PCBP2: variants seen among roughly 807,000 people sequenced by gnomAD.
PCBP2 encodes poly(rC) binding protein 2.
PCBP2 carries 4 observed loss-of-function variants against 50.1 expected under a neutral mutation model. That is an observed-to-expected ratio of 0.08 (90% confidence interval 0.04 to 0.18). The LOEUF is 0.18. Among genes scored for constraint, PCBP2 ranks in the 10% least tolerant of loss-of-function variants. The pLI, the probability that PCBP2 is intolerant of heterozygous loss-of-function variation, is 1.00. For missense variants in PCBP2, 161 were observed against 474.3 expected (o/e 0.34, Z 6.14); for synonymous variants, 179 against 168.0 (o/e 1.07, Z -0.51).
At chr12:53,471,924 G>GTT (rs377649740) in intron 14 of PCBP2, 117 bp downstream of exon 14, 2,194 of 433,202 alleles carry the variant, frequency 5.1e-3, no homozygotes, top group South Asian at 9.2e-3. Context: ...TGGCCAAAAG[G>GTT]TTTTTTTTTT....
chr12:53,459,316 C>A lies in PCBP2; in HGVS notation c.288C>A (p.Pro96=). The A allele has an allele frequency of 6.2e-7, 1 of 1,613,196 alleles. No homozygotes were observed. Among genetic ancestry groups the A allele is most frequent in the Non-Finnish European group, 8.5e-7 (1 of 1,179,412 alleles). ...CCAATAGCACAGCTGCCAGTAGACC[C>A]CCGGTCACCCTGAGGCTGGTGGTCC... ...SMTNSTAASR[P]PVTLRLVVPA... The change falls in exon 6 of 15, where the codon CCC becomes CCA. Residue 96 remains proline, a synonymous_variant. Transcript: ENST00000546463.
chr12:53,476,021 G>A (rs1942556945), intron 14 of PCBP2: 1 of 152,338 alleles, frequency 6.6e-6, no homozygotes, highest in South Asian at 2.1e-4. Flanking sequence ...GAGGGGCAAA[G>A]TGGGATAAGT....
Position 53,480,036 on chromosome 12 carries a change from A to G in PCBP2, c.*594A>G, listed in dbSNP as rs970936836. 2 of 152,038 alleles carry G rather than the reference A, an allele frequency of 1.3e-5. No homozygotes were observed. Among genetic ancestry groups the G allele is most frequent in the African/African-American group, 4.8e-5 (2 of 41,348 alleles). 9.4% of individuals were successfully genotyped at this position (152,038 alleles called of 1,614,324 possible). On this transcript the variant is annotated 3_prime_UTR_variant, in exon 15 of 15. Coordinates refer to ENST00000546463, the MANE Select transcript of PCBP2 (RefSeq NM_031989.5). Reference sequence around the variant, plus strand: ...GTTGGCCCTTATAAAACTTGTGCCCAAAAGATTGAGGATTAGACTTTCCGA... The same window carrying G: ...GTTGGCCCTTATAAAACTTGTGCCCGAAAGATTGAGGATTAGACTTTCCGA...
chr12:53,459,483 C>T (rs577645551), intron 6 of PCBP2, 80 bp downstream of exon 6: 1 of 1,296,722 alleles, frequency 7.7e-7, no homozygotes, highest in East Asian at 2.5e-5. Flanking sequence ...GAAAAGTTAG[C>T]AATGAGATGA....
chr12:53,468,703 GTTAGT>G, intron 12 of PCBP2, 69 bp from the exon 13 acceptor site: 1 of 1,102,208 alleles, frequency 9.1e-7, no homozygotes, highest in Non-Finnish European at 1.4e-6. Flanking sequence ...ATTTCCTTCT[GTTAGT>G]TTAATGTGCA....
chr12:53,469,258 A>G (rs1942033654), intron 13 of PCBP2, among the ~76,000 whole-genome samples: 1 of 152,034 alleles, frequency 6.6e-6, no homozygotes, highest in Non-Finnish European at 1.5e-5. Flanking sequence ...TTATTATTTT[A>G]TCTTTATTTT....
intron 14 of PCBP2, among the ~76,000 whole-genome samples, chr12:53,476,598 C>A (rs1942599833): frequency 6.6e-6 from 1 of 151,784 alleles, no homozygotes; most frequent in Non-Finnish European, 1.5e-5. Context: ...TTAGAGAACT[C>A]AGTGTAGAGA....
chr12:53,455,223 G>C, intron 2 of PCBP2, 124 bp from the exon 3 acceptor site: 1 of 908,454 alleles, frequency 1.1e-6, no homozygotes, highest in African/African-American at 1.7e-5. Context: ...TGGCTAGACA[G>C]TTAAAATTCC....
intron 13 of PCBP2, among the ~76,000 whole-genome samples, chr12:53,470,211 C>G (rs1293720981): frequency 6.6e-6 from 1 of 151,738 alleles, no homozygotes; most frequent in Non-Finnish European, 1.5e-5. Context: ...AACCCTGTCT[C>G]TACTAAAAAT....
chr12:53,477,406 C>T (rs1298862626), intron 14 of PCBP2, among the ~76,000 whole-genome samples: 1 of 152,088 alleles, frequency 6.6e-6, no homozygotes, highest in Non-Finnish European at 1.5e-5. Flanking sequence ...TGGCTCACGC[C>T]TGTAATCCCA....
intron 14 of PCBP2, among the ~76,000 whole-genome samples, 194 bp downstream of exon 14, chr12:53,472,001 T>TGG (rs1390322998): frequency 1.3e-5 from 1 of 79,642 alleles, no homozygotes; most frequent in African/African-American, 3.8e-5. Context: ...TTCAAGGGGT[T>TGG]GGTGGGGGGG....
rs1199586747 is a variant in PCBP2 at position 53,479,906 on chromosome 12, G to A, written c.*464G>A. The A allele has an allele frequency of 6.6e-6, 1 of 152,342 alleles. No individual in the cohort carries two copies. Among genetic ancestry groups the A allele is most frequent in the Non-Finnish European group, 1.5e-5 (1 of 68,242 alleles). 9.4% of individuals were successfully genotyped at this position (152,342 alleles called of 1,614,324 possible). ...TTATCCCTCAAAGGACCCTTCTTGG[G>A]TTTTGAATGGAAGCCTTTATTCCGG... On this transcript the variant is annotated 3_prime_UTR_variant, in exon 15 of 15. Coordinates refer to ENST00000546463, the MANE Select transcript of PCBP2 (RefSeq NM_031989.5).
Position 53,479,668 on chromosome 12 carries a change from C to CTGGTTTGTTTTTTTTTTT in PCBP2, c.*232_*233insGTTTTTTTTTTTTGGTTT, listed in dbSNP as rs1555209638. On this transcript the variant is annotated 3_prime_UTR_variant, in exon 15 of 15. Transcript: ENST00000546463. ...CATATTTAGTTTTATAAGCTTCTCC[C>CTGGTTTGTTTTTTTTTTT]TGGTTTTTTTTTTTTGGCTCATGAA... 1.5e-5 allele frequency: 2 copies of CTGGTTTGTTTTTTTTTTT among 136,752 alleles called. No individual in the cohort carries two copies. The highest frequency in any genetic ancestry group is 2.6e-5 in the Non-Finnish European group (2 of 75,600). 8.5% of individuals were successfully genotyped at this position (136,752 alleles called of 1,614,324 possible).
rs1262716516 is a variant in PCBP2, at chr12:53,481,112, T to C, written c.*1670T>C. On this transcript the variant is annotated 3_prime_UTR_variant, in exon 15 of 15. Transcript: ENST00000546463. ...CTTTCTGTTGATTATGTGGCGCATA[T>C]ATATATATATATGTATATATATATA... is the stretch of plus-strand genomic sequence containing the variant. The C allele has an allele frequency of 5.4e-6, 3 of 558,432 alleles. No individual in the cohort carries two copies. Among genetic ancestry groups the C allele is most frequent in the Non-Finnish European group, 7.4e-6 (3 of 407,964 alleles). The allele number at this position is 558,432 out of a possible 1,614,324, so 34.6% of individuals were successfully genotyped here.
At chr12:53,478,369 A>G (rs944532843) in intron 14 of PCBP2, among the ~76,000 whole-genome samples, 3 of 152,096 alleles carry the variant, frequency 2.0e-5, no homozygotes, top group East Asian at 3.8e-4. Flanking sequence ...TTAGCTGGGC[A>G]TGGTGACAGC....
At chr12:53,456,027 CTTCA>C in intron 5 of PCBP2, 26 bp downstream of exon 5, 1 of 1,354,000 alleles carries the variant, frequency 7.4e-7, no homozygotes, top group Admixed American at 1.7e-5. Context: ...CTCCCTCATT[CTTCA>C]TTTTTAAGTG....
At chr12:53,458,906 C>T (rs1433965780) in intron 5 of PCBP2, among the ~76,000 whole-genome samples, 2 of 152,156 alleles carry the variant, frequency 1.3e-5, no homozygotes, top group Non-Finnish European at 2.9e-5. Flanking sequence ...TCCCAAAGTG[C>T]TGGGATTACA....
chr12:53,452,300 A>G lies in PCBP2; in HGVS notation c.-152A>G, dbSNP rs1246138112. Reference sequence around the variant, plus strand: ...CCCCCTCGCCTTCCCGCCCGCCCCTATTGTTCCGCCCCCGGCCTCCCGCCC... The same window carrying G: ...CCCCCTCGCCTTCCCGCCCGCCCCTGTTGTTCCGCCCCCGGCCTCCCGCCC... On this transcript the variant is annotated 5_prime_UTR_variant, in exon 1 of 15. Transcript: ENST00000546463. 6.6e-5 allele frequency: 5 copies of G among 75,742 alleles called. No individual in the cohort carries two copies. The East Asian group carries it at 1.4e-3, about 21-fold the overall frequency. 4.7% of individuals were successfully genotyped at this position (75,742 alleles called of 1,614,324 possible). A position where few individuals can be genotyped will look rare whatever the true frequency, so the allele number is the denominator to read the frequency against.
chr12:53,459,251 T>C, intron 5 of PCBP2, 21 bp from the exon 6 acceptor site: 2 of 1,584,852 alleles, frequency 1.3e-6, no homozygotes, highest in Non-Finnish European at 1.7e-6. Context: ...CTGCTTATTG[T>C]GGTGTTCTTT....
Sources: gnomAD v4.1 joint callset for allele counts (sites outside exome capture counted in the v4.1 genomes callset) on GRCh38, gnomAD v4.1.1 for gene constraint, MANE v1.5 for transcripts, NCBI Gene and HGNC (gene_info 2026-07-23, HGNC 2026-07-21) for gene names.